NEGR1: variants seen among roughly 807,000 people sequenced by gnomAD.
NEGR1 encodes neuronal growth regulator 1, also known as IgLON family member 4.
Under a neutral mutation model 40.9 loss-of-function variants are expected in NEGR1, and 10 were observed. The observed-to-expected ratio is 0.24, with a 90% CI of 0.15 to 0.42. The LOEUF (loss-of-function observed/expected upper bound fraction) is 0.42. Ranked by LOEUF, NEGR1 falls within the 10% of genes least tolerant of loss-of-function variation. NEGR1 has a pLI of 1.00. For synonymous variants in NEGR1, 185 were observed against 166.8 expected (o/e 1.11, Z -0.84); for missense variants, 352 against 438.9 (o/e 0.80, Z 1.77).
At position 71,698,155 on chromosome 1, in the gene NEGR1, C is replaced by T; in HGVS notation, c.536-16G>A. On this transcript the variant is annotated splice_polypyrimidine_tract_variant and intron_variant, in intron 3 of 6. Transcript: ENST00000357731. ...AATGGTTTTGCTATAAAAAAGAATA[C>T]AGCATGTTTAATTGTAGCCGCCTGA... 1.9e-6 allele frequency: 3 copies of T among 1,606,976 alleles called. No individual in the cohort carries two copies. Among genetic ancestry groups the T allele is most frequent in the Non-Finnish European group, 2.6e-6 (3 of 1,175,866 alleles).
At chr1:71,993,640 C>T (rs1646475101) in intron 1 of NEGR1, among the ~76,000 whole-genome samples, 1 of 152,068 alleles carries the variant, frequency 6.6e-6, no homozygotes, top group Non-Finnish European at 1.5e-5. Flanking sequence ...TAATAGCTAT[C>T]CAGGAGATGC....
intron 1 of NEGR1, among the ~76,000 whole-genome samples, chr1:72,103,758 C>T (rs561314609): frequency 6.6e-6 from 1 of 151,966 alleles, no homozygotes; most frequent in African/African-American, 2.4e-5. Flanking sequence ...CGCCCTTCAA[C>T]AAGCAGAGTC....
chr1:71,711,926 G>A (rs1250277389), intron 3 of NEGR1, among the ~76,000 whole-genome samples: 3 of 151,926 alleles, frequency 2.0e-5, no homozygotes, highest in Non-Finnish European at 4.4e-5. Context: ...GATTCAAAAG[G>A]CTATATATTG....
chr1:71,710,190 A>G (rs1654032879), intron 3 of NEGR1, among the ~76,000 whole-genome samples: 1 of 152,212 alleles, frequency 6.6e-6, no homozygotes, highest in Non-Finnish European at 1.5e-5. Context: ...TACTGTTATT[A>G]CAATCTCGCC....
intron 1 of NEGR1, among the ~76,000 whole-genome samples, chr1:72,062,256 C>T (rs1244925709): frequency 1.3e-5 from 2 of 151,794 alleles, no homozygotes; most frequent in Non-Finnish European, 2.9e-5. Context: ...CACCTTTCTT[C>T]AATTGGTAAG....
chr1:71,623,097 C>T (rs1650660106), intron 4 of NEGR1, among the ~76,000 whole-genome samples: 1 of 151,656 alleles, frequency 6.6e-6, no homozygotes, highest in African/African-American at 2.4e-5. Flanking sequence ...TTTCCAAACA[C>T]ACTGTCTTAT....
chr1:71,462,621 GT>G (rs987029949), intron 6 of NEGR1, among the ~76,000 whole-genome samples: 2 of 152,110 alleles, frequency 1.3e-5, no homozygotes, highest in Admixed American at 1.3e-4. Flanking sequence ...TGGGAGAGCA[GT>G]TAGAGGAGCC....
chr1:71,540,062 G>A (rs773193604), intron 6 of NEGR1, among the ~76,000 whole-genome samples: 10 of 151,686 alleles, frequency 6.6e-5, no homozygotes, highest in Non-Finnish European at 1.3e-4. Flanking sequence ...AGTCAAAAGC[G>A]CATTGAAGAA....
At chr1:71,585,963 A>T (rs1649293202) in intron 6 of NEGR1, among the ~76,000 whole-genome samples, 2 of 152,058 alleles carry the variant, frequency 1.3e-5, no homozygotes, top group African/African-American at 4.8e-5. Context: ...TTTAATAGGC[A>T]CTTGTTTTAG....
chr1:71,615,537 C>G (rs556269609), intron 4 of NEGR1, among the ~76,000 whole-genome samples: 1 of 152,232 alleles, frequency 6.6e-6, no homozygotes, highest in Admixed American at 6.5e-5. Context: ...GGAGAGCATA[C>G]TTGAGGTGGA....
At chr1:71,815,430 T>C (rs776273596) in intron 2 of NEGR1, among the ~76,000 whole-genome samples, 1 of 152,080 alleles carries the variant, frequency 6.6e-6, no homozygotes, top group Non-Finnish European at 1.5e-5. Flanking sequence ...GTCCACTTGA[T>C]CCAGGGCTGA....
At chr1:71,637,317 A>C (rs1483951172) in intron 4 of NEGR1, among the ~76,000 whole-genome samples, 1 of 152,032 alleles carries the variant, frequency 6.6e-6, no homozygotes. Context: ...TGGATGAATA[A>C]AACAGATTCA....
chr1:71,427,550 G>A (rs556683006), intron 6 of NEGR1, among the ~76,000 whole-genome samples: 143 of 152,188 alleles, frequency 9.4e-4, no homozygotes, highest in African/African-American at 3.3e-3. Flanking sequence ...AATAAATCAA[G>A]TTAAAAGATA....
chr1:71,560,429 T>TTATATATATATATATATATATATATA lies in NEGR1; in HGVS notation c.940+32387_940+32388insTATATATATATATATATATATATATA, dbSNP rs58813234. Among the ~76,000 whole-genome samples, 321 of 114,186 alleles carry TTATATATATATATATATATATATATA rather than the reference T, an allele frequency of 2.8e-3. 8 individuals are homozygous for TTATATATATATATATATATATATATA. Among genetic ancestry groups the TTATATATATATATATATATATATATA allele is most frequent in the Non-Finnish European group, 3.9e-3 (214 of 54,188 alleles). The allele number at this position is 114,186 out of a possible 152,430, so 74.9% of individuals were successfully genotyped here. ...AACCCAGGCCCTGTGTAATTCTCCA[T>TTATATATATATATATATATATATATA]TATATATATATATATATATGTATAT... On this transcript the variant is annotated intron_variant, in intron 6 of 6. Coordinates refer to ENST00000357731, the MANE Select transcript of NEGR1 (RefSeq NM_173808.3).
intron 1 of NEGR1, among the ~76,000 whole-genome samples, chr1:72,170,095 A>G (rs1406716120): frequency 1.3e-5 from 2 of 152,198 alleles, no homozygotes; most frequent in African/African-American, 2.4e-5. Context: ...AATTCTAAGT[A>G]TATTTCCTAA....
chr1:71,813,319 G>A (rs1658072313), intron 2 of NEGR1, among the ~76,000 whole-genome samples: 1 of 152,116 alleles, frequency 6.6e-6, no homozygotes, highest in Non-Finnish European at 1.5e-5. Context: ...GTACCACGCT[G>A]TTTTGGTTGC....
intron 6 of NEGR1, among the ~76,000 whole-genome samples, chr1:71,574,668 C>A (rs1648906345): frequency 6.6e-6 from 1 of 152,030 alleles, no homozygotes; most frequent in African/African-American, 2.4e-5. Context: ...GTTATTGTCT[C>A]ACCACTACAA....
At chr1:71,777,817 T>C (rs1048100064) in intron 2 of NEGR1, among the ~76,000 whole-genome samples, 1 of 152,000 alleles carries the variant, frequency 6.6e-6, no homozygotes, top group South Asian at 2.1e-4. Flanking sequence ...TTGATATGAT[T>C]GAGGAGAAGG....
At chr1:71,538,471 G>A (rs778706185) in intron 6 of NEGR1, among the ~76,000 whole-genome samples, 18 of 151,590 alleles carry the variant, frequency 1.2e-4, no homozygotes, top group South Asian at 4.2e-4. Flanking sequence ...TTTGGTTGCC[G>A]TGGTTTCATC....
Sources: gnomAD v4.1 joint callset for allele counts (sites outside exome capture counted in the v4.1 genomes callset) on GRCh38, gnomAD v4.1.1 for gene constraint, MANE v1.5 for transcripts, NCBI Gene and HGNC (gene_info 2026-07-23, HGNC 2026-07-21) for gene names.